Variants in RNGTT observed in about 807,000 individuals in gnomAD.
RNGTT encodes RNA guanylyltransferase and 5'-phosphatase.
In RNGTT, 33 loss-of-function variants were observed where a neutral mutation model predicts 79.3. That is an observed-to-expected ratio of 0.42 (90% CI 0.32 to 0.56). The LOEUF (loss-of-function observed/expected upper bound fraction) is 0.56, where lower values mean the gene tolerates loss of function less well. RNGTT is among the 20% of genes least tolerant of loss of function. The pLI, the probability that RNGTT is intolerant of heterozygous loss-of-function variation, is 0.17. For missense variants in RNGTT, 497 were observed against 739.1 expected, an observed-to-expected ratio of 0.67 and a Z score of 3.80; for synonymous variants, 222 against 235.9, an observed-to-expected ratio of 0.94 and a Z score of 0.54.
At chr6:88,644,337 C>A (rs1169546521) in intron 14 of RNGTT, among the ~76,000 whole-genome samples, 5 of 152,098 alleles carry the variant, frequency 3.3e-5, no homozygotes, top group African/African-American at 7.2e-5. Flanking sequence ...CAATAACAGG[C>A]TCTGAAATTG....
intron 12 of RNGTT, among the ~76,000 whole-genome samples, chr6:88,771,315 G>GTGTGTGTA (rs1303688973): frequency 0.036 from 2,190 of 61,438 alleles, 45 homozygotes; most frequent in Admixed American, 0.054. Flanking sequence ...GTGTGTGTGT[G>GTGTGTGTA]TATATATATA....
chr6:88,768,858 A>C (rs1411252185), intron 13 of RNGTT, among the ~76,000 whole-genome samples: 15 of 152,210 alleles, frequency 9.9e-5, no homozygotes, highest in African/African-American at 3.6e-4. Flanking sequence ...CCAAAAAGTC[A>C]TAAAAGGAAG....
intron 8 of RNGTT, among the ~76,000 whole-genome samples, 157 bp from the exon 9 acceptor site, chr6:88,853,921 ATTT>A (rs371087729): frequency 1.4e-5 from 2 of 143,226 alleles, no homozygotes; most frequent in Non-Finnish European, 1.5e-5. Flanking sequence ...ACAAATAATA[ATTT>A]TTTTTTTTTT....
At chr6:88,808,674 C>A (rs1384529326) in intron 11 of RNGTT, among the ~76,000 whole-genome samples, 2 of 152,080 alleles carry the variant, frequency 1.3e-5, no homozygotes, top group Non-Finnish European at 1.5e-5. Context: ...CTTTGAGGGG[C>A]AGAAGCAGGC....
intron 4 of RNGTT, among the ~76,000 whole-genome samples, chr6:88,909,080 T>C (rs1377394390): frequency 2.0e-5 from 3 of 152,154 alleles, no homozygotes; most frequent in Non-Finnish European, 2.9e-5. Flanking sequence ...GAGAAGAGTG[T>C]GGCATGGAAA....
At chr6:88,786,261 AAT>A (rs1228489438) in intron 12 of RNGTT, among the ~76,000 whole-genome samples, 4 of 152,186 alleles carry the variant, frequency 2.6e-5, no homozygotes, top group Non-Finnish European at 5.9e-5. Context: ...GTTAAAAATT[AAT>A]GTTATTTCCA....
intron 12 of RNGTT, among the ~76,000 whole-genome samples, chr6:88,776,550 G>T (rs1275650284): frequency 5.3e-5 from 8 of 150,278 alleles, no homozygotes; most frequent in African/African-American, 2.0e-4. Context: ...GTTCAGGCTG[G>T]TCTCAAACTC....
intron 10 of RNGTT, among the ~76,000 whole-genome samples, chr6:88,846,024 T>G (rs1000106474): frequency 1.3e-5 from 2 of 151,500 alleles, no homozygotes; most frequent in African/African-American, 2.4e-5. Flanking sequence ...GTCTAACAAC[T>G]GTTAAAACAT....
chr6:88,911,625 A>G (rs1282429273), intron 4 of RNGTT, among the ~76,000 whole-genome samples: 1 of 152,202 alleles, frequency 6.6e-6, no homozygotes, highest in Non-Finnish European at 1.5e-5. Context: ...ATTACATGGA[A>G]ACGAAACAAC....
At chr6:88,900,889 G>C (rs1783432053) in intron 6 of RNGTT, among the ~76,000 whole-genome samples, 1 of 151,190 alleles carries the variant, frequency 6.6e-6, no homozygotes, top group African/African-American at 2.4e-5. Flanking sequence ...CGCCTATAAT[G>C]CTAGCTCTCT....
chr6:88,945,203 T>C (rs991038866), intron 1 of RNGTT, among the ~76,000 whole-genome samples: 3 of 152,108 alleles, frequency 2.0e-5, no homozygotes, highest in Admixed American at 2.0e-4. Context: ...AGGTAGCAAT[T>C]AGCCTCTTAG....
chr6:88,746,882 G>A (rs1169778147), intron 13 of RNGTT, among the ~76,000 whole-genome samples: 2 of 152,154 alleles, frequency 1.3e-5, no homozygotes, highest in East Asian at 3.8e-4. Context: ...GGCACAACAC[G>A]CTACTATGAC....
At chr6:88,962,539 G>A (rs1179825336) in intron 1 of RNGTT, among the ~76,000 whole-genome samples, 12 of 152,018 alleles carry the variant, frequency 7.9e-5, no homozygotes, top group South Asian at 2.1e-4. Flanking sequence ...TTGGGAGGCC[G>A]AGGCGGGCGG....
intron 13 of RNGTT, among the ~76,000 whole-genome samples, chr6:88,684,118 T>C (rs1004843723): frequency 6.6e-6 from 1 of 152,014 alleles, no homozygotes; most frequent in African/African-American, 2.4e-5. Context: ...TAGCAAGTGG[T>C]TATATGAAAA....
At chr6:88,731,033 T>C (rs1777096650) in intron 13 of RNGTT, among the ~76,000 whole-genome samples, 1 of 151,900 alleles carries the variant, frequency 6.6e-6, no homozygotes, top group Non-Finnish European at 1.5e-5. Context: ...TCCCCTCCCC[T>C]CCCTGACACC....
intron 8 of RNGTT, among the ~76,000 whole-genome samples, chr6:88,858,717 A>G (rs1781915437): frequency 6.6e-6 from 1 of 152,184 alleles, no homozygotes. Flanking sequence ...TAAAATTTAG[A>G]CAATAGTTTG....
At chr6:88,692,545 G>A (rs931423370) in intron 13 of RNGTT, among the ~76,000 whole-genome samples, 4 of 151,796 alleles carry the variant, frequency 2.6e-5, no homozygotes, top group African/African-American at 9.7e-5. Flanking sequence ...AACACATATT[G>A]TATGTTTCCA....
At chr6:88,750,735 T>C (rs1777812971) in intron 13 of RNGTT, among the ~76,000 whole-genome samples, 1 of 152,166 alleles carries the variant, frequency 6.6e-6, no homozygotes, top group Non-Finnish European at 1.5e-5. Context: ...ATGCTTTCTG[T>C]CTTGAATGTC....
rs561447514 is a variant in RNGTT, at chr6:88,913,458, C to CA, written c.368-7019dup. On this transcript the variant is annotated intron_variant, in intron 4 of 15. Transcript: ENST00000369485. ...TGATAAACATAGACACAAAAATCCTCAAAAAAATACTAGCAAACCAAATCC... is the reference window on the plus strand; with the variant it reads ...TGATAAACATAGACACAAAAATCCTCAAAAAAAATACTAGCAAACCAAATCC... Among the ~76,000 whole-genome samples the CA allele has an allele frequency of 3.2e-4, 49 of 152,124 alleles. 2 individuals are homozygous for CA. The East Asian group carries it at 7.9e-3, about 25-fold the overall frequency.
Sources: gnomAD v4.1 joint callset for allele counts (sites outside exome capture counted in the v4.1 genomes callset) on GRCh38, gnomAD v4.1.1 for gene constraint, MANE v1.5 for transcripts, NCBI Gene and HGNC (gene_info 2026-07-23, HGNC 2026-07-21) for gene names.